The following FRAS1 variants were observed in gnomAD, a reference collection of about 807,000 sequenced individuals.
The protein encoded by FRAS1 is extracellular matrix organizing protein FRAS1.
In FRAS1, 290 loss-of-function variants were observed where a neutral mutation model predicts 435.2. The observed-to-expected ratio is 0.67, with a 90% confidence interval of 0.61 to 0.73. The LOEUF (loss-of-function observed/expected upper bound fraction) is 0.73, where lower values mean the gene tolerates loss of function less well. Among genes scored for constraint, FRAS1 ranks in the 30% least tolerant of loss-of-function variants. The pLI is 0.00. For synonymous variants in FRAS1, 1,800 were observed against 1,851.0 expected, an observed-to-expected ratio of 0.97 and a Z score of 0.71; for missense variants, 4,860 against 5,001.5, an observed-to-expected ratio of 0.97 and a Z score of 0.85.
intron 2 of FRAS1, among the ~76,000 whole-genome samples, chr4:78,176,421 G>T (rs1721780483): frequency 2.6e-5 from 4 of 152,146 alleles, no homozygotes; most frequent in Admixed American, 2.6e-4. Flanking sequence ...GTTATAAAGA[G>T]TTTCCTTACA....
intron 59 of FRAS1, among the ~76,000 whole-genome samples, chr4:78,493,363 A>T (rs957936513): frequency 6.6e-6 from 1 of 152,262 alleles, no homozygotes; most frequent in Non-Finnish European, 1.5e-5. Context: ...ATGTATATTT[A>T]TTGCAGCACT....
intron 29 of FRAS1, 69 bp from the exon 30 acceptor site, chr4:78,400,665 T>G (rs921942026): frequency 2.1e-6 from 3 of 1,459,264 alleles, no homozygotes; most frequent in Non-Finnish European, 2.8e-6. Flanking sequence ...ACTGGATAAC[T>G]TATGTGTTTA....
intron 30 of FRAS1, among the ~76,000 whole-genome samples, chr4:78,404,703 C>A (rs1733035114): frequency 1.3e-5 from 2 of 152,226 alleles, no homozygotes; most frequent in Non-Finnish European, 2.9e-5. Context: ...GTTACTCTTG[C>A]ATCTGTGTTT....
chr4:78,455,645 A>T (rs1369192431), intron 47 of FRAS1, among the ~76,000 whole-genome samples: 1 of 152,124 alleles, frequency 6.6e-6, no homozygotes, highest in Non-Finnish European at 1.5e-5. Context: ...TAGACAGGAA[A>T]GGTGGGGAAA....
intron 29 of FRAS1, among the ~76,000 whole-genome samples, chr4:78,399,710 G>A (rs1297617810): frequency 6.6e-6 from 1 of 152,148 alleles, no homozygotes. Context: ...GGTGCTTCTA[G>A]AATCTATTGC....
intron 1 of FRAS1, among the ~76,000 whole-genome samples, chr4:78,061,206 G>T (rs935500161): frequency 6.6e-6 from 1 of 152,170 alleles, no homozygotes; most frequent in African/African-American, 2.4e-5. Flanking sequence ...CAAATTATTG[G>T]CAGTGTTATT....
At chr4:78,139,686 T>G (rs942487173) in intron 2 of FRAS1, among the ~76,000 whole-genome samples, 2 of 152,202 alleles carry the variant, frequency 1.3e-5, no homozygotes, top group African/African-American at 2.4e-5. Flanking sequence ...TTAGCATAAA[T>G]AGGATAATTT....
intron 2 of FRAS1, among the ~76,000 whole-genome samples, chr4:78,118,659 C>G (rs1325140498): frequency 6.6e-6 from 1 of 152,118 alleles, no homozygotes; most frequent in East Asian, 1.9e-4. Flanking sequence ...TTTGCTAAGA[C>G]CGTTGGAAAA....
At chr4:78,185,358 C>T (rs1722226501) in intron 2 of FRAS1, among the ~76,000 whole-genome samples, 1 of 152,176 alleles carries the variant, frequency 6.6e-6, no homozygotes, top group Non-Finnish European at 1.5e-5. Flanking sequence ...AGATTATTGT[C>T]TTGCAGAATT....
At chr4:78,239,480 T>A (rs1442437622) in intron 3 of FRAS1, among the ~76,000 whole-genome samples, 14 of 152,202 alleles carry the variant, frequency 9.2e-5, no homozygotes, top group Admixed American at 9.2e-4. Context: ...TCACTGTAAT[T>A]TTGATATAGT....
chr4:78,068,785 G>A (rs873455), intron 2 of FRAS1: 80,400 of 346,858 alleles, frequency 0.23, 10,104 homozygotes, highest in East Asian at 0.35. Context: ...TTCTGCATTC[G>A]GGTTTATTTG....
chr4:78,359,566 G>A (rs1433069938), intron 20 of FRAS1, among the ~76,000 whole-genome samples: 2 of 152,130 alleles, frequency 1.3e-5, no homozygotes, highest in Non-Finnish European at 2.9e-5. Context: ...ATGGAGCTGG[G>A]AAGGAAAGTT....
At chr4:78,368,350 G>T (rs578085443) in intron 22 of FRAS1, among the ~76,000 whole-genome samples, 1 of 149,096 alleles carries the variant, frequency 6.7e-6, no homozygotes, top group Non-Finnish European at 1.5e-5. Context: ...TTTTTTCAGG[G>T]AGGTAATTTT....
chr4:78,281,261 A>C, intron 10 of FRAS1, 137 bp from the exon 11 acceptor site: 1 of 605,980 alleles, frequency 1.7e-6, no homozygotes, highest in Non-Finnish European at 2.9e-6. Context: ...TATAAGATAG[A>C]TTTCATCTCT....
intron 2 of FRAS1, among the ~76,000 whole-genome samples, chr4:78,066,363 T>C (rs190815353): frequency 1.3e-5 from 2 of 152,266 alleles, no homozygotes; most frequent in Admixed American, 6.5e-5. Flanking sequence ...CTGGTTGCAT[T>C]TGCTTCCCAC....
chr4:78,390,611 C>A (rs1732408243), intron 29 of FRAS1, among the ~76,000 whole-genome samples: 2 of 152,164 alleles, frequency 1.3e-5, no homozygotes, highest in Non-Finnish European at 2.9e-5. Context: ...GGCCCCAAGC[C>A]TTCTGTAATC....
chr4:78,157,307 G>T (rs1036117792), intron 2 of FRAS1, among the ~76,000 whole-genome samples: 1 of 152,140 alleles, frequency 6.6e-6, no homozygotes, highest in Non-Finnish European at 1.5e-5. Flanking sequence ...TGTCTTTTTG[G>T]TAAAATGATT....
chr4:78,466,260 A>G lies in FRAS1; in HGVS notation c.7082A>G (p.Glu2361Gly), dbSNP rs527619551. The G allele has an allele frequency of 1.2e-6, 2 of 1,613,866 alleles. No individual in the cohort carries two copies. The highest frequency in any genetic ancestry group is 3.3e-5 in the Admixed American group (2 of 60,008). ...CAGCCTCCACGCCATGGCACCATCG[A>G]GCGAACCAGCAATGGGCAGCATTTC... ...IVQPPRHGTI[E>G]RTSNGQHFHL... is the part of the protein sequence containing the mutation. The change falls in exon 50 of 74, where the codon GAG (glutamate) becomes GGG (glycine). Residue 2361 changes from glutamate (E) to glycine (G), a missense_variant. By Grantham distance (98) the Glu-to-Gly change is moderately conservative. Coordinates refer to ENST00000512123, the MANE Select transcript of FRAS1 (RefSeq NM_025074.7).
At chr4:78,247,954 T>C (rs183410774) in intron 4 of FRAS1, among the ~76,000 whole-genome samples, 3 of 152,234 alleles carry the variant, frequency 2.0e-5, no homozygotes, top group Admixed American at 6.5e-5. Flanking sequence ...CCGGAGAATA[T>C]GGTTCAAATA....
Sources: allele counts gnomAD v4.1 joint callset (sites outside exome capture counted in the v4.1 genomes callset), GRCh38; gene constraint gnomAD v4.1.1; transcripts MANE v1.5; gene names NCBI Gene and HGNC (gene_info 2026-07-23, HGNC 2026-07-21).